Variants in CCDC68 observed in about 807,000 individuals in gnomAD.
CCDC68 encodes coiled-coil domain-containing protein 68.
A neutral mutation model predicts 47.1 loss-of-function variants in CCDC68; 45 were observed. The ratio of observed to expected loss-of-function variants is 0.96; its 90% CI spans 0.75 to 1.23. The LOEUF (loss-of-function observed/expected upper bound fraction) is 1.23. Among genes scored for constraint, CCDC68 ranks in the 50% most tolerant of loss-of-function variants. The pLI is 0.00. For synonymous variants in CCDC68, 131 were observed against 129.5 expected (o/e 1.01, Z -0.08); for missense variants, 353 against 373.6 (o/e 0.94, Z 0.45).
chr18:54,938,868 C>G (rs992602945), intron 4 of CCDC68, among the ~76,000 whole-genome samples: 1 of 152,208 alleles, frequency 6.6e-6, no homozygotes, highest in Non-Finnish European at 1.5e-5. Context: ...ATTATAATAA[C>G]AGCTTCTATT....
chr18:54,918,054 T>C, intron 9 of CCDC68, 58 bp from the exon 10 acceptor site: 2 of 718,660 alleles, frequency 2.8e-6, no homozygotes, highest in Non-Finnish European at 4.6e-6. Flanking sequence ...AATAGTTACT[T>C]AAGTCAGAAA....
rs561987432 is a variant in CCDC68, at chr18:54,949,960, G to A, written c.-102-4483C>T. Among the ~76,000 whole-genome samples the A allele has an allele frequency of 2.6e-4, 39 of 152,282 alleles. No homozygotes were observed. The South Asian group carries it at 4.4e-3, about 17-fold the overall frequency. On this transcript the variant is annotated intron_variant, in intron 1 of 11. Transcript: ENST00000591504. ...CCAGTGGCCAGTGTCCAGTGGCTAC[G>A]TCAGGAGGATCCTAACTCCTCATCT...
chr18:54,943,280 CAAG>C (rs150921628), intron 2 of CCDC68, among the ~76,000 whole-genome samples: 4,693 of 152,096 alleles, frequency 0.031, 114 homozygotes, highest in Middle Eastern at 0.054. Context: ...CCCATGCCAA[CAAG>C]AAGAGGATAG....
At chr18:54,943,974 G>A (rs1409459387) in intron 2 of CCDC68, among the ~76,000 whole-genome samples, 1 of 152,068 alleles carries the variant, frequency 6.6e-6, no homozygotes, top group Admixed American at 6.6e-5. Context: ...TGGCCAACAT[G>A]GTGGAACCCC....
chr18:54,932,353 T>G (rs1460037251), intron 7 of CCDC68, among the ~76,000 whole-genome samples: 1 of 151,776 alleles, frequency 6.6e-6, no homozygotes, highest in East Asian at 1.9e-4. Flanking sequence ...CCCAGCTAAT[T>G]TTTGAATTTT....
At chr18:54,954,212 C>T (rs371103216) in intron 1 of CCDC68, among the ~76,000 whole-genome samples, 166 of 151,994 alleles carry the variant, frequency 1.1e-3, no homozygotes, top group African/African-American at 3.9e-3. Context: ...TGTGTCACCA[C>T]ACTCGGCTAA....
chr18:54,913,778 A>C (rs534479594), intron 10 of CCDC68, among the ~76,000 whole-genome samples: 1 of 152,286 alleles, frequency 6.6e-6, no homozygotes, highest in Admixed American at 6.5e-5. Flanking sequence ...ATGCCACGGC[A>C]CTTCAGCCTC....
chr18:54,912,634 A>T (rs1914432504), intron 10 of CCDC68, among the ~76,000 whole-genome samples: 1 of 152,200 alleles, frequency 6.6e-6, no homozygotes, highest in Non-Finnish European at 1.5e-5. Context: ...AAACATGTAT[A>T]CACATACACA....
chr18:54,944,567 C>A (rs2044493849), intron 2 of CCDC68, among the ~76,000 whole-genome samples: 2 of 152,166 alleles, frequency 1.3e-5, no homozygotes, highest in South Asian at 4.1e-4. Flanking sequence ...ACAATGCTTA[C>A]TGTCCACCTT....
At chr18:54,951,116 G>A (rs2044612576) in intron 1 of CCDC68, among the ~76,000 whole-genome samples, 1 of 151,038 alleles carries the variant, frequency 6.6e-6, no homozygotes, top group Non-Finnish European at 1.5e-5. Flanking sequence ...CACCGTGTTA[G>A]CCAGGATGGT....
chr18:54,926,664 C>T (rs779408484), intron 8 of CCDC68, among the ~76,000 whole-genome samples: 6 of 152,112 alleles, frequency 3.9e-5, no homozygotes, highest in African/African-American at 1.4e-4. Flanking sequence ...TTTTGCTAGT[C>T]GTCACTCAGA....
rs142981461 is a variant in CCDC68, at chr18:54,946,780, C to T, written c.-102-1303G>A. Among the ~76,000 whole-genome samples, 929 of 152,200 alleles carry T rather than the reference C, an allele frequency of 6.1e-3. 1 individual carries two copies. Among genetic ancestry groups the T allele is most frequent in the Non-Finnish European group, 8.9e-3 (606 of 68,024 alleles). On this transcript the variant is annotated intron_variant, in intron 1 of 11. Coordinates refer to ENST00000591504, the MANE Select transcript of CCDC68 (RefSeq NM_025214.3). ...ACAAGTTACATAAAATCTTTGTCTT[C>T]ACTTACATAGCTGTCAGGTAGGGGT...
At chr18:54,911,082 C>T (rs1055500485) in intron 10 of CCDC68, among the ~76,000 whole-genome samples, 1 of 152,212 alleles carries the variant, frequency 6.6e-6, no homozygotes, top group Non-Finnish European at 1.5e-5. Flanking sequence ...GGCAATAGAC[C>T]CTCCAGATGG....
At chr18:54,910,312 C>G (rs549373304) in intron 10 of CCDC68, among the ~76,000 whole-genome samples, 56 of 152,318 alleles carry the variant, frequency 3.7e-4, no homozygotes, top group African/African-American at 1.3e-3. Flanking sequence ...TCTCTGCAGG[C>G]AGGTTGTCCC....
intron 8 of CCDC68, among the ~76,000 whole-genome samples, chr18:54,922,727 C>T (rs1415089215): frequency 6.6e-6 from 1 of 151,848 alleles, no homozygotes; most frequent in Non-Finnish European, 1.5e-5. Context: ...GTGGCTCACA[C>T]CTGTAATCCC....
At chr18:54,907,964 C>T (rs1914115233) in intron 10 of CCDC68, 102 bp from the exon 11 acceptor site, 3 of 710,172 alleles carry the variant, frequency 4.2e-6, no homozygotes, top group Non-Finnish European at 7.6e-6. Context: ...TCGTTGGCAG[C>T]AAGTTTGTTA....
chr18:54,958,790 A>T (rs138030776), intron 1 of CCDC68, among the ~76,000 whole-genome samples: 101 of 152,262 alleles, frequency 6.6e-4, no homozygotes, highest in African/African-American at 2.4e-3. Flanking sequence ...TCATGATGCT[A>T]CTCAACATTA....
At chr18:54,932,178 A>AACCAATT (rs1411763010) in intron 7 of CCDC68, among the ~76,000 whole-genome samples, 4 of 143,676 alleles carry the variant, frequency 2.8e-5, no homozygotes, top group Non-Finnish European at 6.0e-5. Context: ...AATATTTTTA[A>AACCAATT]ACCAATTTGG....
At chr18:54,949,279 A>C (rs1410844699) in intron 1 of CCDC68, among the ~76,000 whole-genome samples, 1 of 152,222 alleles carries the variant, frequency 6.6e-6, no homozygotes, top group Non-Finnish European at 1.5e-5. Context: ...TACAGGCATG[A>C]GCCACAGCAC....
Sources: gnomAD v4.1 joint callset for allele counts (sites outside exome capture counted in the v4.1 genomes callset) on GRCh38, gnomAD v4.1.1 for gene constraint, MANE v1.5 for transcripts, NCBI Gene and HGNC (gene_info 2026-07-23, HGNC 2026-07-21) for gene names.